ZBBX: variants seen among roughly 807,000 people sequenced by gnomAD.
ZBBX encodes zinc finger B-box domain containing.
A neutral mutation model predicts 108.5 loss-of-function variants in ZBBX; 101 were observed. The observed-to-expected ratio is 0.93, with a 90% CI of 0.79 to 1.10. The LOEUF (loss-of-function observed/expected upper bound fraction) is 1.10, where lower values mean the gene tolerates loss of function less well. Among genes scored for constraint, ZBBX ranks in the 50% least tolerant of loss-of-function variants. The pLI is 0.00. For missense variants in ZBBX, 1,009 were observed against 941.4 expected, an observed-to-expected ratio of 1.07 and a Z score of -0.94; for synonymous variants, 356 against 323.4, an observed-to-expected ratio of 1.10 and a Z score of -1.08.
intron 18 of ZBBX, among the ~76,000 whole-genome samples, chr3:167,295,379 T>A (rs1282665051): frequency 6.6e-6 from 1 of 152,046 alleles, no homozygotes; most frequent in East Asian, 1.9e-4. Flanking sequence ...GATGAGTTCA[T>A]GTCCTTTGCA....
At position 167,282,510 on chromosome 3, in the gene ZBBX, A is replaced by G. The variant is rs767167118; in HGVS notation, c.1997-15T>C. 29 of 1,587,282 alleles carry G rather than the reference A, an allele frequency of 1.8e-5. No individual in the cohort carries two copies. The highest frequency in any genetic ancestry group is 2.4e-5 in the Non-Finnish European group (28 of 1,169,966). ...TGATTTCTGACCTAAAATTAAAAGT[A>G]AAAAGTTTTTAAATCAACTTTTAAA... On this transcript the variant is annotated splice_polypyrimidine_tract_variant and intron_variant, in intron 19 of 21. Transcript: ENST00000675490.
rs755475180 is a variant in ZBBX, at chr3:167,317,109, G to A, written c.1094-4C>T. On this transcript the variant is annotated splice_polypyrimidine_tract_variant and splice_region_variant and intron_variant, in intron 13 of 21. Coordinates refer to ENST00000675490, the MANE Select transcript of ZBBX (RefSeq NM_001199201.2). Reference sequence around the variant, plus strand: ...TGTTGTACTTTGGTCTCCTCACCTAGGAAATAAGATTCACAAATAATATCA... The same window carrying A: ...TGTTGTACTTTGGTCTCCTCACCTAAGAAATAAGATTCACAAATAATATCA... 5.8e-6 allele frequency: 9 copies of A among 1,557,954 alleles called. No individual in the cohort carries two copies. The Admixed American group carries it at 8.7e-5, about 15-fold the overall frequency.
intron 10 of ZBBX, among the ~76,000 whole-genome samples, chr3:167,330,288 G>T (rs1306515846): frequency 1.3e-5 from 2 of 152,164 alleles, no homozygotes; most frequent in African/African-American, 4.8e-5. Context: ...CAGAAGGGTT[G>T]CCTGACTCCT....
intron 8 of ZBBX, among the ~76,000 whole-genome samples, chr3:167,355,864 TAC>T (rs1281778297): frequency 6.6e-6 from 1 of 152,104 alleles, no homozygotes; most frequent in Non-Finnish European, 1.5e-5. Flanking sequence ...CTGGCTTGTC[TAC>T]ACAGTGTTTT....
intron 3 of ZBBX, 98 bp downstream of exon 3, chr3:167,373,608 C>CA (rs1263492040): frequency 6.6e-6 from 1 of 152,090 alleles, no homozygotes. Context: ...ATATATTATG[C>CA]ATGTTATATG....
intron 20 of ZBBX, among the ~76,000 whole-genome samples, chr3:167,267,998 C>T (rs945732988): frequency 5.3e-5 from 8 of 152,092 alleles, no homozygotes; most frequent in Non-Finnish European, 1.0e-4. Context: ...ATGCCATAAA[C>T]CTGTTCCCTC....
At chr3:167,330,852 G>C (rs1203908730) in intron 10 of ZBBX, among the ~76,000 whole-genome samples, 4 of 63,854 alleles carry the variant, frequency 6.3e-5, no homozygotes, top group African/African-American at 2.0e-4. Flanking sequence ...AAGAGGAGGA[G>C]GAGGAGGAGG....
chr3:167,263,662 A>G (rs941699672), intron 20 of ZBBX, among the ~76,000 whole-genome samples: 12 of 152,358 alleles, frequency 7.9e-5, no homozygotes, highest in South Asian at 2.1e-4. Context: ...AGAATAATCC[A>G]TGTGCAGAGG....
At chr3:167,328,922 G>T (rs999693244) in intron 10 of ZBBX, among the ~76,000 whole-genome samples, 1 of 152,078 alleles carries the variant, frequency 6.6e-6, no homozygotes, top group Admixed American at 6.6e-5. Context: ...ACTCCCATGT[G>T]ACTTTATTCT....
intron 10 of ZBBX, among the ~76,000 whole-genome samples, chr3:167,332,314 C>A (rs536156949): frequency 6.6e-6 from 1 of 151,600 alleles, no homozygotes; most frequent in Non-Finnish European, 1.5e-5. Context: ...CACGTCTGAA[C>A]CCCACCCACG....
intron 18 of ZBBX, among the ~76,000 whole-genome samples, chr3:167,297,796 T>C (rs1731928294): frequency 6.6e-6 from 1 of 151,956 alleles, no homozygotes; most frequent in Non-Finnish European, 1.5e-5. Flanking sequence ...CTTAACATTA[T>C]TAATCATTAG....
chr3:167,273,736 A>G (rs1726964716), intron 20 of ZBBX, among the ~76,000 whole-genome samples: 1 of 152,124 alleles, frequency 6.6e-6, no homozygotes, highest in Non-Finnish European at 1.5e-5. Flanking sequence ...TCACCCTGGC[A>G]GTTCATCAAC....
intron 1 of ZBBX, among the ~76,000 whole-genome samples, chr3:167,399,137 T>A (rs931152038): frequency 2.3e-4 from 35 of 151,742 alleles, no homozygotes; most frequent in African/African-American, 7.5e-4. Context: ...AAAAAAAAAA[T>A]TCTCACTTAC....
chr3:167,312,344 T>C (rs867179695), intron 16 of ZBBX, among the ~76,000 whole-genome samples: 14 of 152,280 alleles, frequency 9.2e-5, no homozygotes, highest in African/African-American at 3.4e-4. Flanking sequence ...TGTATGATAC[T>C]ATAAGTGGTG....
At chr3:167,404,443 T>C (rs73879701) in intron 1 of ZBBX, among the ~76,000 whole-genome samples, 4,725 of 152,048 alleles carry the variant, frequency 0.031, 246 homozygotes, top group African/African-American at 0.11. Context: ...AACCAATCAC[T>C]GAGACAATGA....
At chr3:167,368,638 A>T in intron 4 of ZBBX, 64 bp from the exon 5 acceptor site, 1 of 1,390,762 alleles carries the variant, frequency 7.2e-7, no homozygotes, top group South Asian at 1.6e-5. Context: ...AATTTTATAT[A>T]ATCTTTTCCT....
chr3:167,332,789 T>C (rs1738868615), intron 10 of ZBBX, among the ~76,000 whole-genome samples: 1 of 152,176 alleles, frequency 6.6e-6, no homozygotes, highest in Admixed American at 6.5e-5. Flanking sequence ...GCAGGAAATT[T>C]GGAGTCAGAA....
chr3:167,358,577 A>C (rs1182944798), intron 8 of ZBBX, among the ~76,000 whole-genome samples: 1 of 152,148 alleles, frequency 6.6e-6, no homozygotes, highest in Non-Finnish European at 1.5e-5. Flanking sequence ...TACCAATGAG[A>C]AGTTAAAGAG....
At chr3:167,262,907 C>T (rs1165990992) in intron 20 of ZBBX, among the ~76,000 whole-genome samples, 2 of 152,072 alleles carry the variant, frequency 1.3e-5, no homozygotes, top group African/African-American at 4.8e-5. Flanking sequence ...TTTCAAGAAA[C>T]CAACTTTTTG....
Sources: gnomAD v4.1 joint callset for allele counts (sites outside exome capture counted in the v4.1 genomes callset) on GRCh38, gnomAD v4.1.1 for gene constraint, MANE v1.5 for transcripts, NCBI Gene and HGNC (gene_info 2026-07-23, HGNC 2026-07-21) for gene names.